The following PREB variants were observed in gnomAD, a reference collection of about 807,000 sequenced individuals.
PREB encodes prolactin regulatory element binding.
In PREB, 29 loss-of-function variants were observed where a neutral mutation model predicts 46.7. That is an observed-to-expected ratio of 0.62 (90% confidence interval 0.46 to 0.85). The LOEUF is 0.85. PREB is among the 40% of genes least tolerant of loss of function. The pLI is 0.00. For synonymous variants in PREB, 224 were observed against 220.1 expected, an observed-to-expected ratio of 1.02 and a Z score of -0.16; for missense variants, 494 against 528.4, an observed-to-expected ratio of 0.93 and a Z score of 0.64.
Position 27,131,263 on chromosome 2 carries a change from C to T in PREB, c.*151G>A. 6.9e-6 allele frequency: 5 copies of T among 720,152 alleles called. No homozygotes were observed. The South Asian group carries it at 9.0e-5, about 13-fold the overall frequency. 44.6% of individuals were successfully genotyped at this position (720,152 alleles called of 1,614,324 possible). A position where few individuals can be genotyped will look rare whatever the true frequency, so the allele number is the denominator to read the frequency against. On this transcript the variant is annotated 3_prime_UTR_variant, in exon 9 of 9. Coordinates refer to ENST00000260643, the MANE Select transcript of PREB (RefSeq NM_013388.6). ...GAGTCACACAGGGCCATAGCCAAGC[C>T]TTTTCACTAGAAGGGCAGGCAGTGC...
chr2:27,132,702 T>C lies in PREB; in HGVS notation c.653A>G (p.Lys218Arg). 6.2e-7 allele frequency: 1 copy of C among 1,614,164 alleles called. No individual in the cohort carries two copies. The highest frequency in any genetic ancestry group is 8.5e-7 in the Non-Finnish European group (1 of 1,180,022). ...CTGATCCTTCTGCCACACAGAGGCC[T>C]TAAGGTCCCGGCCCACGGTTACCAA... The part of the protein sequence containing the change: ...GKLVTVGRDL[K>R]ASVWQKDQLV... Residue 218 changes from lysine (K) to arginine (R), a missense_variant, in exon 5 of 9, where the codon AAG becomes AGG. Coordinates refer to ENST00000260643, the MANE Select transcript of PREB (RefSeq NM_013388.6). This position sits in a 1 kb window ranked among gnomAD's most constrained non-coding sequence, Gnocchi z 4.0.
rs1046452985 is a variant in PREB, at chr2:27,131,431, A to G, written c.1237T>C (p.Phe413Leu). The change falls in exon 9 of 9, where the codon TTT becomes CTT. Residue 413 changes from phenylalanine (F) to leucine (L), a missense_variant. Physicochemically the swap from Phe to Leu is conservative, Grantham distance 22 (BLOSUM62 0). Coordinates refer to ENST00000260643, the MANE Select transcript of PREB (RefSeq NM_013388.6). ...CAGGGAAGCTAAAGGAAACCTGGAA[A>G]GGCACTCTGGAGCAGCAGGATGGTC... ...IVTILLLQSA[F>L]PGFL 6.4e-7 allele frequency: 1 copy of G among 1,559,770 alleles called. No individual in the cohort carries two copies. The highest frequency in any genetic ancestry group is 1.4e-5 in the African/African-American group (1 of 73,358).
chr2:27,132,328 C>A lies in PREB; in HGVS notation c.828G>T (p.Gln276His), dbSNP rs377623098. Residue 276 changes from glutamine (Q) to histidine (H), a missense_variant, in exon 6 of 9, where the codon CAG becomes CAT. Gln to His is a conservative substitution (Grantham distance 24, BLOSUM62 0). Coordinates refer to ENST00000260643, the MANE Select transcript of PREB (RefSeq NM_013388.6). This position sits in a 1 kb window ranked among gnomAD's most constrained non-coding sequence, Gnocchi z 4.0. The stretch of plus-strand genomic sequence containing the variant: ...AGGCTGTGAGGTAGCAGGGAGGGGG[C>A]TGGCGCAGGCGCTTGTGGGGAATTT... ...TVQIPHKRLRQPPPCYLTAWD... is the reference protein window; with the variant it reads ...TVQIPHKRLRHPPPCYLTAWD... 5 of 1,613,966 alleles carry A rather than the reference C, an allele frequency of 3.1e-6. No homozygotes were observed. In the African/African-American group the frequency reaches 6.7e-5, roughly 22 times the overall value.
chr2:27,134,470 C>G lies in PREB; in HGVS notation c.-49G>C. ...CCGCACCGCGGCACCCAGGACATGC[C>G]GCGCCGGGCCTTCGACTACTGCCCC... On this transcript the variant is annotated 5_prime_UTR_variant, in exon 1 of 9. Transcript: ENST00000260643. The G allele has an allele frequency of 1.4e-6, 2 of 1,436,160 alleles. No individual in the cohort carries two copies. Among genetic ancestry groups the G allele is most frequent in the Non-Finnish European group, 1.8e-6 (2 of 1,104,944 alleles). 89.0% of individuals were successfully genotyped at this position (1,436,160 alleles called of 1,614,324 possible).
rs1248268238 is a variant in PREB at position 27,132,583 on chromosome 2, A to AC, written c.752+19dup. 3 of 1,612,602 alleles carry AC rather than the reference A, an allele frequency of 1.9e-6. No individual in the cohort carries two copies. The highest frequency in any genetic ancestry group is 1.3e-5 in the African/African-American group (1 of 74,634). On this transcript the variant is annotated intron_variant, in intron 5 of 8. Transcript: ENST00000260643. The surrounding 1 kb of genome is among the most constrained non-coding windows in gnomAD (Gnocchi z 4.0). Reference sequence around the variant, plus strand: ...CAGCTGGGCTATGCCTCTTTCAGCCACCACCCAAAGTCTTCACACCTGCAG... The same window carrying AC: ...CAGCTGGGCTATGCCTCTTTCAGCCACCCACCCAAAGTCTTCACACCTGCAG...
intron 1 of PREB, chr2:27,133,930 AG>A: frequency 1.6e-6 from 1 of 622,648 alleles, no homozygotes; most frequent in East Asian, 2.8e-5. Flanking sequence ...GGTGAAGCTC[AG>A]GAGAGGGAAG....
Position 27,132,272 on chromosome 2 carries a change from G to T in PREB, c.884C>A (p.Thr295Asn). The stretch of plus-strand genomic sequence containing the variant: ...GACGACTTCATGGCCACAGGACTTG[G>T]TCCGAAGGGGCAAGAAGTTGGAGCC... Reference protein sequence around the residue: ...WDGSNFLPLRTKSCGHEVVSC... With the variant: ...WDGSNFLPLRNKSCGHEVVSC... The change falls in exon 6 of 9, where the codon ACC becomes AAC. Residue 295 changes from threonine (T) to asparagine (N), a missense_variant. Physicochemically the swap from Thr to Asn is moderately conservative, Grantham distance 65. Coordinates refer to ENST00000260643, the MANE Select transcript of PREB (RefSeq NM_013388.6). This position sits in a 1 kb window ranked among gnomAD's most constrained non-coding sequence, Gnocchi z 4.0. 6.2e-7 allele frequency: 1 copy of T among 1,614,160 alleles called. No homozygotes were observed. The highest frequency in any genetic ancestry group is 8.5e-7 in the Non-Finnish European group (1 of 1,180,010).
In PREB at chr2:27,132,923, C is replaced by T; in HGVS notation, c.547G>A (p.Val183Met). The T allele has an allele frequency of 6.2e-7, 1 of 1,614,056 alleles. No homozygotes were observed. Among genetic ancestry groups the T allele is most frequent in the Non-Finnish European group, 8.5e-7 (1 of 1,180,006 alleles). ...GTDGYVRVWKVPSLEKVLEFK... is the reference protein window; with the variant it reads ...GTDGYVRVWKMPSLEKVLEFK... ...TCCAGAACCTTCTCCAGGCTGGGCA[C>T]CTGTAGCCAAACAACCACCATGGTT... The change falls in exon 4 of 9, where the codon GTG (valine) becomes ATG (methionine). Residue 183 changes from valine to methionine, a missense_variant and splice_region_variant. Val to Met is a conservative substitution (Grantham distance 21). Transcript: ENST00000260643. The surrounding 1 kb of genome is among the most constrained non-coding windows in gnomAD (Gnocchi z 4.0).
Position 27,131,790 on chromosome 2 carries a change from C to T in PREB, c.1041G>A (p.Thr347=), listed in dbSNP as rs147351829. 4.2e-4 allele frequency: 682 copies of T among 1,614,132 alleles called. No individual in the cohort carries two copies. The highest frequency in any genetic ancestry group is 5.1e-4 in the Non-Finnish European group (602 of 1,180,016). ...YVREAHGIVV[T]DVAFLPEKGR... ...CCTTCTCAGGTAGAAAGGCCACATC[C>T]GTCACCACAATGCCATGGGCCTCCC... The change falls in exon 8 of 9, where the codon ACG becomes ACA. Residue 347 remains threonine, a synonymous_variant. Transcript: ENST00000260643.
chr2:27,132,798 C>T lies in PREB; in HGVS notation c.627+45G>A. ...CTTACTGGGCAAGCAGCATAAGCACCTCCTCTCTCCTTTCTCCATCCTCCT... is the reference window on the plus strand; with the variant it reads ...CTTACTGGGCAAGCAGCATAAGCACTTCCTCTCTCCTTTCTCCATCCTCCT... On this transcript the variant is annotated intron_variant, in intron 4 of 8. Coordinates refer to ENST00000260643, the MANE Select transcript of PREB (RefSeq NM_013388.6). The surrounding 1 kb of genome is among the most constrained non-coding windows in gnomAD (Gnocchi z 4.0). The T allele has an allele frequency of 6.2e-7, 1 of 1,613,028 alleles. No homozygotes were observed. The highest frequency in any genetic ancestry group is 1.1e-5 in the South Asian group (1 of 91,026).
In PREB at chr2:27,131,729, C is replaced by A. The variant is rs777675796; in HGVS notation, c.1102G>T (p.Ala368Ser). 6.2e-7 allele frequency: 1 copy of A among 1,614,140 alleles called. No homozygotes were observed. The highest frequency in any genetic ancestry group is 8.5e-7 in the Non-Finnish European group (1 of 1,179,992). ...GPELLGSHET[A>S]LFSVAVDSRC... ...CTGTCCACAGCCACAGAGAACAGGG[C>A]AGTTTCATGGGACCCAAGGAGCTCT... The change falls in exon 8 of 9, where the codon GCC becomes TCC. Residue 368 changes from alanine (A) to serine (S), a missense_variant. By Grantham distance (99) the Ala-to-Ser change is moderately conservative. Coordinates refer to ENST00000260643, the MANE Select transcript of PREB (RefSeq NM_013388.6).
At position 27,133,552 on chromosome 2, in the gene PREB, C is replaced by G; in HGVS notation, c.305G>C (p.Gly102Ala). 6.2e-7 allele frequency: 1 copy of G among 1,613,842 alleles called. No homozygotes were observed. Among genetic ancestry groups the G allele is most frequent in the Non-Finnish European group, 8.5e-7 (1 of 1,179,810 alleles). Reference protein sequence around the residue: ...LLRFQAHQQQGNKAEKAGSKE... With the variant: ...LLRFQAHQQQANKAEKAGSKE... ...CTCACCGGCCTTCTCTGCCTTGTTG[C>G]CCTGCTGTTGATGTGCCTGGAAGCG... The change falls in exon 2 of 9, where the codon GGC becomes GCC. Residue 102 changes from glycine (G) to alanine (A), a missense_variant. Gly to Ala is a moderately conservative substitution (Grantham distance 60). Transcript: ENST00000260643.
rs1672431772 is a variant in PREB, at chr2:27,134,635, C to T, written c.-214G>A. The T allele has an allele frequency of 4.8e-6, 6 of 1,262,398 alleles. No individual in the cohort carries two copies. The highest frequency in any genetic ancestry group is 4.1e-5 in the Admixed American group (1 of 24,304). 78.2% of individuals were successfully genotyped at this position (1,262,398 alleles called of 1,614,324 possible). ...TCCAAGTCGGTCTCGCAGACGCGCACTGCGCATGCGCACCTGTCTCGCGGC... is the reference window on the plus strand; with the variant it reads ...TCCAAGTCGGTCTCGCAGACGCGCATTGCGCATGCGCACCTGTCTCGCGGC... On this transcript the variant is annotated 5_prime_UTR_variant, in exon 1 of 9. It adds an upstream start codon to the 5' untranslated region. Coordinates refer to ENST00000260643, the MANE Select transcript of PREB (RefSeq NM_013388.6).
At chr2:27,131,608 G>T in intron 8 of PREB, 64 bp downstream of exon 8, 1 of 1,598,322 alleles carries the variant, frequency 6.3e-7, no homozygotes, top group Non-Finnish European at 8.6e-7. Flanking sequence ...CCCAGCCTCC[G>T]GGGGGCACGT....
chr2:27,132,542 T>C lies in PREB; in HGVS notation c.752+61A>G. 6.2e-7 allele frequency: 1 copy of C among 1,608,108 alleles called. No individual in the cohort carries two copies. Among genetic ancestry groups the C allele is most frequent in the Non-Finnish European group, 8.5e-7 (1 of 1,176,890 alleles). ...CCCAGCTCTCCCATCCCCAGTCTTT[T>C]CCCTCTCCCCCACCACAGCTGGGCT... On this transcript the variant is annotated intron_variant, in intron 5 of 8. Coordinates refer to ENST00000260643, the MANE Select transcript of PREB (RefSeq NM_013388.6). The surrounding 1 kb of genome is among the most constrained non-coding windows in gnomAD (Gnocchi z 4.0).
chr2:27,131,915 C>T, intron 7 of PREB, 84 bp from the exon 8 acceptor site: 2 of 1,593,300 alleles, frequency 1.3e-6, no homozygotes, highest in Non-Finnish European at 1.7e-6. Flanking sequence ...CCCAGGATTT[C>T]CCTCGATAGG....
chr2:27,133,261 G>T lies in PREB; in HGVS notation c.402C>A (p.His134Gln), dbSNP rs759175628. ...TCTCTACCCTGAGTTCTAGCCCCTC[G>T]TGCTGGGTTTCCGCTCCACATTTCT... Reference protein sequence around the residue: ...AEKKCGAETQHEGLELRVENL... With the variant: ...AEKKCGAETQQEGLELRVENL... Residue 134 changes from histidine (H) to glutamine (Q), a missense_variant, in exon 3 of 9, where the codon CAC becomes CAA. Transcript: ENST00000260643. 1 of 1,614,146 alleles carries T rather than the reference G, an allele frequency of 6.2e-7. No homozygotes were observed. Among genetic ancestry groups the T allele is most frequent in the Admixed American group, 1.7e-5 (1 of 60,004 alleles).
At chr2:27,133,776 T>G in intron 1 of PREB, 55 bp from the exon 2 acceptor site, 2 of 1,551,632 alleles carry the variant, frequency 1.3e-6, no homozygotes, top group East Asian at 2.2e-5. Flanking sequence ...AGAGCACGTT[T>G]AGGGAAGAGT....
Position 27,133,324 on chromosome 2 carries a change from C to T in PREB, c.339G>A (p.Gln113=), listed in dbSNP as rs760114030. The change falls in exon 3 of 9, where the codon CAG becomes CAA. Residue 113 remains glutamine (Q), a synonymous_variant. Transcript: ENST00000260643. Reference sequence around the variant, plus strand: ...CTGCTCCCTTCCTTTGTCGAGGCCCCTGCTCCTTGGAACCTGTAACACAAA... The same window carrying T: ...CTGCTCCCTTCCTTTGTCGAGGCCCTTGCTCCTTGGAACCTGTAACACAAA... ...NKAEKAGSKE[Q]GPRQRKGAAP... 5 of 1,614,026 alleles carry T rather than the reference C, an allele frequency of 3.1e-6. No individual in the cohort carries two copies. The highest frequency in any genetic ancestry group is 2.2e-5 in the South Asian group (2 of 91,086).
Sources: allele counts gnomAD v4.1 joint callset, GRCh38; gene constraint gnomAD v4.1.1; non-coding constraint Gnocchi (gnomAD v3.1); transcripts MANE v1.5; gene names NCBI Gene and HGNC (gene_info 2026-07-23, HGNC 2026-07-21).